Variants in TTBK2 observed in about 807,000 individuals in gnomAD.
TTBK2 encodes the protein tau-tubulin kinase 2.
TTBK2 carries 28 observed loss-of-function variants against 110.8 expected under a neutral mutation model. The ratio of observed to expected loss-of-function variants is 0.25; its 90% CI spans 0.19 to 0.35. The LOEUF is 0.35. TTBK2 is among the 10% of genes least tolerant of loss of function. TTBK2 has a pLI of 1.00. For synonymous variants in TTBK2, 532 were observed against 527.3 expected (o/e 1.01, Z -0.12); for missense variants, 1,369 against 1,500.3 (o/e 0.91, Z 1.45).
At chr15:42,754,575 T>A (rs188179755) in intron 13 of TTBK2, among the ~76,000 whole-genome samples, 186 of 151,228 alleles carry the variant, frequency 1.2e-3, no homozygotes, top group African/African-American at 4.3e-3. Context: ...TTCTGTATTT[T>A]TAGTAGAGAC....
intron 2 of TTBK2, among the ~76,000 whole-genome samples, chr15:42,875,361 T>C (rs1421949992): frequency 3.9e-5 from 6 of 152,066 alleles, no homozygotes; most frequent in African/African-American, 1.2e-4. Flanking sequence ...CTGTGGAAGA[T>C]TGTATTTTCC....
chr15:42,828,655 G>A (rs933033096), intron 5 of TTBK2, among the ~76,000 whole-genome samples: 7 of 151,216 alleles, frequency 4.6e-5, no homozygotes, highest in Admixed American at 6.6e-5. Context: ...TCCAGGAGGC[G>A]GAGATTACAG....
intron 14 of TTBK2, among the ~76,000 whole-genome samples, chr15:42,750,860 CAAAA>C (rs2061855686): frequency 6.6e-6 from 1 of 152,064 alleles, no homozygotes; most frequent in Admixed American, 6.5e-5. Context: ...TTGAGATTCT[CAAAA>C]AAATTATCAG....
At position 42,908,392 on chromosome 15, in the gene TTBK2, GC is replaced by G. The variant is rs1402088486; in HGVS notation, c.-68+12045del. 2.0e-5 allele frequency: 3 copies of G among 152,342 alleles called. No homozygotes were observed. In the East Asian group the frequency reaches 5.8e-4, roughly 29 times the overall value. The allele number at this position is 152,342 out of a possible 1,614,324, so 9.4% of individuals were successfully genotyped here. The stretch of plus-strand genomic sequence containing the variant: ...AGGCTGAAGCCGGAGTATTGCTTGA[GC>G]CTAGGAGTTCAAAGCTGCAGTGAGC... On this transcript the variant is annotated intron_variant, in intron 1 of 14. Transcript: ENST00000267890.
chr15:42,914,033 A>G (rs1355344990), intron 1 of TTBK2, among the ~76,000 whole-genome samples: 2 of 151,316 alleles, frequency 1.3e-5, no homozygotes, highest in East Asian at 1.9e-4. Flanking sequence ...CTGGAGTGCA[A>G]TGGTGCTGTC....
At chr15:42,853,550 T>C (rs754860281) in intron 3 of TTBK2, among the ~76,000 whole-genome samples, 43 of 152,134 alleles carry the variant, frequency 2.8e-4, no homozygotes, top group Non-Finnish European at 4.0e-4. Flanking sequence ...CAGAAAAACA[T>C]CAGTTCTACT....
intron 13 of TTBK2, among the ~76,000 whole-genome samples, chr15:42,757,014 T>C (rs908599039): frequency 6.6e-6 from 1 of 152,192 alleles, no homozygotes; most frequent in Admixed American, 6.5e-5. Flanking sequence ...AATATTTCCA[T>C]AGTACTTTAA....
intron 13 of TTBK2, among the ~76,000 whole-genome samples, chr15:42,762,455 T>A (rs1375660156): frequency 6.6e-6 from 1 of 152,174 alleles, no homozygotes; most frequent in African/African-American, 2.4e-5. Context: ...CGGTGGCTCA[T>A]GCCTGTAATC....
chr15:42,769,932 A>G (rs933312265), intron 13 of TTBK2, among the ~76,000 whole-genome samples: 33 of 152,292 alleles, frequency 2.2e-4, no homozygotes, highest in African/African-American at 7.5e-4. Flanking sequence ...CATAAAAAGG[A>G]TGAGTTCATG....
chr15:42,786,564 C>T (rs1890423146), intron 10 of TTBK2, among the ~76,000 whole-genome samples: 1 of 152,092 alleles, frequency 6.6e-6, no homozygotes, highest in Non-Finnish European at 1.5e-5. Context: ...TTCCAACTAC[C>T]TCAATTCCTT....
chr15:42,896,859 A>T (rs1480356391), intron 1 of TTBK2, among the ~76,000 whole-genome samples: 2 of 151,998 alleles, frequency 1.3e-5, no homozygotes, highest in East Asian at 3.8e-4. Flanking sequence ...CTATTATTAA[A>T]ATTTTTTTAA....
At chr15:42,779,601 C>CCTTT (rs1262239723) in intron 11 of TTBK2, among the ~76,000 whole-genome samples, 1 of 152,104 alleles carries the variant, frequency 6.6e-6, no homozygotes, top group Admixed American at 6.5e-5. Flanking sequence ...GAAAGATGAG[C>CCTTT]CAAGGACTTT....
At chr15:42,844,479 A>G (rs2141026283) in intron 3 of TTBK2, among the ~76,000 whole-genome samples, 1 of 152,336 alleles carries the variant, frequency 6.6e-6, no homozygotes, top group South Asian at 2.1e-4. Flanking sequence ...GGCTCAGTTG[A>G]GTCTGGGAGG....
intron 1 of TTBK2, among the ~76,000 whole-genome samples, chr15:42,885,356 T>G (rs1181485959): frequency 6.6e-6 from 1 of 152,158 alleles, no homozygotes. Flanking sequence ...CTCTCCAACC[T>G]CTCTCACTAC....
intron 6 of TTBK2, among the ~76,000 whole-genome samples, chr15:42,823,350 T>C (rs899138384): frequency 2.0e-5 from 3 of 152,184 alleles, no homozygotes; most frequent in Non-Finnish European, 4.4e-5. Flanking sequence ...ATCAAAGTGT[T>C]GCATATATAT....
In TTBK2 at chr15:42,741,642, A is replaced by G. The variant is rs763200133; in HGVS notation, c.*4153T>C. ...TAATTCCAAAATACATAAACATGAC[A>G]GAAGAAGTGGTTCTCTAACATATGC... On this transcript the variant is annotated 3_prime_UTR_variant, in exon 15 of 15. Transcript: ENST00000267890. 17 of 152,380 alleles carry G rather than the reference A, an allele frequency of 1.1e-4. No homozygotes were observed. Among genetic ancestry groups the G allele is most frequent in the Non-Finnish European group, 2.2e-4 (15 of 68,040 alleles). The allele number at this position is 152,380 out of a possible 1,614,324, so 9.4% of individuals were successfully genotyped here.
intron 3 of TTBK2, among the ~76,000 whole-genome samples, chr15:42,869,837 A>G (rs1240013686): frequency 1.3e-5 from 2 of 152,212 alleles, no homozygotes; most frequent in Non-Finnish European, 2.9e-5. Flanking sequence ...AATTTAGTTT[A>G]TAAGTAGCTA....
intron 3 of TTBK2, among the ~76,000 whole-genome samples, chr15:42,852,707 A>C (rs1330510128): frequency 1.3e-5 from 2 of 152,200 alleles, no homozygotes; most frequent in African/African-American, 2.4e-5. Flanking sequence ...CCTCAAGCCT[A>C]CAGATAATGT....
At chr15:42,858,208 A>G (rs977938739) in intron 3 of TTBK2, among the ~76,000 whole-genome samples, 4 of 152,066 alleles carry the variant, frequency 2.6e-5, no homozygotes, top group African/African-American at 9.7e-5. Context: ...AACACCCCCT[A>G]CCCCATCTCC....
Sources: gnomAD v4.1 joint callset for allele counts (sites outside exome capture counted in the v4.1 genomes callset) on GRCh38, gnomAD v4.1.1 for gene constraint, MANE v1.5 for transcripts, NCBI Gene and HGNC (gene_info 2026-07-23, HGNC 2026-07-21) for gene names.